Variants in CYP4F3 observed in about 807,000 individuals in gnomAD.
CYP4F3 encodes the protein cytochrome P450 4F3.
CYP4F3 carries 50 observed loss-of-function variants against 54.8 expected under a neutral mutation model. The observed-to-expected ratio is 0.91, with a 90% CI of 0.73 to 1.16. The LOEUF is 1.16. CYP4F3 is among the 50% of genes most tolerant of loss of function. CYP4F3 has a pLI of 0.00. For synonymous variants in CYP4F3, 244 were observed against 262.6 expected (o/e 0.93, Z 0.69); for missense variants, 715 against 676.2 (o/e 1.06, Z -0.64).
intron 3 of CYP4F3, 96 bp from the exon 4 acceptor site, chr19:15,646,956 G>C: frequency 6.5e-7 from 1 of 1,542,104 alleles, no homozygotes; most frequent in Non-Finnish European, 8.8e-7. Flanking sequence ...GGCTTGGAGG[G>C]AAGAAGTGCA....
chr19:15,641,907 AC>A (rs759405329), intron 2 of CYP4F3, among the ~76,000 whole-genome samples: 2 of 151,864 alleles, frequency 1.3e-5, no homozygotes, highest in Non-Finnish European at 2.9e-5. Context: ...AGAAAGGTGA[AC>A]CCCTGGCGTT....
In CYP4F3 at chr19:15,641,468, C is replaced by T. The variant is rs768218949; in HGVS notation, c.53C>T (p.Pro18Leu). 19 of 1,614,110 alleles carry T rather than the reference C, an allele frequency of 1.2e-5. No homozygotes were observed. Among genetic ancestry groups the T allele is most frequent in the Admixed American group, 3.3e-5 (2 of 60,014 alleles). The change falls in exon 2 of 13, where the codon CCG (proline) becomes CTG (leucine). Residue 18 changes from proline to leucine, a missense_variant. Pro to Leu is a moderately conservative substitution (Grantham distance 98). Coordinates refer to ENST00000221307, the MANE Select transcript of CYP4F3 (RefSeq NM_000896.3). Reference protein sequence around the residue: ...SLGLWPMAASPWLLLLLVGAS... With the variant: ...SLGLWPMAASLWLLLLLVGAS... ...GGCCTTTGGCCAATGGCAGCATCCC[C>T]GTGGCTGCTCCTGCTGCTGGTTGGG...
rs28371481 is a variant in CYP4F3, at chr19:15,650,264, C to T, written c.918+81C>T. On this transcript the variant is annotated intron_variant, in intron 7 of 12. Transcript: ENST00000221307. ...TCAGATGAAAGAATTTGAACTTGACCCAGAGGGCACTGGGGAGCCATGGAA... is the reference window on the plus strand; with the variant it reads ...TCAGATGAAAGAATTTGAACTTGACTCAGAGGGCACTGGGGAGCCATGGAA... 2.0e-3 allele frequency: 3,253 copies of T among 1,611,918 alleles called. 58 individuals carry two copies. In the African/African-American group the frequency reaches 0.038, roughly 19 times the overall value.
In CYP4F3 at chr19:15,650,174, G is replaced by C. The variant is rs138106582; in HGVS notation, c.909G>C (p.Leu303=). 2.2e-4 allele frequency: 360 copies of C among 1,614,168 alleles called. No homozygotes were observed. Among genetic ancestry groups the C allele is most frequent in the Non-Finnish European group, 2.7e-4 (321 of 1,180,026 alleles). The stretch of plus-strand genomic sequence containing the variant: ...CTTTGGACTTCATTGATGTACTCCT[G>C]CTGAGCAAGGTGGGCCTCTCTGGGA... ...SKTLDFIDVL[L]LSKDEDGKKL... Residue 303 remains leucine (L), a synonymous_variant, in exon 7 of 13, where the codon CTG becomes CTC. Coordinates refer to ENST00000221307, the MANE Select transcript of CYP4F3 (RefSeq NM_000896.3).
chr19:15,657,504 G>A (rs28371494), intron 9 of CYP4F3, among the ~76,000 whole-genome samples: 4 of 151,984 alleles, frequency 2.6e-5, no homozygotes, highest in Non-Finnish European at 5.9e-5. Context: ...GGCCAGGCTG[G>A]TCTCGAACTC....
At position 15,641,571 on chromosome 19, in the gene CYP4F3, G is replaced by T. The variant is rs371160373; in HGVS notation, c.156G>T (p.Pro52=). ...YDNCCRLRCF[P]QPPKRNWFLG... The stretch of plus-strand genomic sequence containing the variant: ...ACTGCTGCCGCCTCCGGTGTTTCCC[G>T]CAACCCCCGAAACGGAATTGGTTCT... Residue 52 remains proline (P), a synonymous_variant, in exon 2 of 13, where the codon CCG becomes CCT. Coordinates refer to ENST00000221307, the MANE Select transcript of CYP4F3 (RefSeq NM_000896.3). 1.2e-6 allele frequency: 2 copies of T among 1,614,080 alleles called. No individual in the cohort carries two copies. The highest frequency in any genetic ancestry group is 1.7e-6 in the Non-Finnish European group (2 of 1,180,012).
chr19:15,642,535 G>C lies in CYP4F3; in HGVS notation c.198+922G>C, dbSNP rs28371469. Among the ~76,000 whole-genome samples, 587 of 152,326 alleles carry C rather than the reference G, an allele frequency of 3.9e-3. 6 individuals are homozygous for C. The highest frequency in any genetic ancestry group is 0.013 in the African/African-American group (545 of 41,582). Reference sequence around the variant, plus strand: ...TAGGGACATGTCCTGAGTCCACACTGCTCCCCACAAACCTCCCCTGTGAGG... The same window carrying C: ...TAGGGACATGTCCTGAGTCCACACTCCTCCCCACAAACCTCCCCTGTGAGG... On this transcript the variant is annotated intron_variant, in intron 2 of 12. Coordinates refer to ENST00000221307, the MANE Select transcript of CYP4F3 (RefSeq NM_000896.3).
chr19:15,657,163 T>A (rs1330443988), intron 9 of CYP4F3, among the ~76,000 whole-genome samples: 2 of 152,260 alleles, frequency 1.3e-5, no homozygotes, highest in Non-Finnish European at 2.9e-5. Flanking sequence ...ATATTTGGCT[T>A]GTCTCCAAAC....
At chr19:15,643,793 T>C (rs1048612882) in intron 2 of CYP4F3, 135 of 1,304,362 alleles carry the variant, frequency 1.0e-4, no homozygotes, top group Non-Finnish European at 1.3e-4. Context: ...GCCAGTCTCT[T>C]CTGGAAACAC....
rs768805172 is a variant in CYP4F3 at position 15,652,805 on chromosome 19, T to G, written c.986-18T>G. The G allele has an allele frequency of 2.5e-6, 4 of 1,607,026 alleles. No individual in the cohort carries two copies. Among genetic ancestry groups the G allele is most frequent in the Non-Finnish European group, 3.4e-6 (4 of 1,176,442 alleles). ...CTGAAGCAGCCCAGAGACCCAAGCC[T>G]GCCTTGCTGCCCCCCAGGCCATGAC... On this transcript the variant is annotated intron_variant, in intron 8 of 12. Transcript: ENST00000221307.
rs545603790 is a variant in CYP4F3, at chr19:15,644,561, G to A, written c.199-1158G>A. Reference sequence around the variant, plus strand: ...TTCAAGGCCCCTTGCCAGGTCTAGCGTCACCTTGCCTGTCACAAAGGTTAG... The same window carrying A: ...TTCAAGGCCCCTTGCCAGGTCTAGCATCACCTTGCCTGTCACAAAGGTTAG... On this transcript the variant is annotated intron_variant, in intron 2 of 12. Coordinates refer to ENST00000221307, the MANE Select transcript of CYP4F3 (RefSeq NM_000896.3). Among the ~76,000 whole-genome samples, 12 of 151,590 alleles carry A rather than the reference G, an allele frequency of 7.9e-5. No homozygotes were observed. In the South Asian group the frequency reaches 8.3e-4, roughly 11 times the overall value.
intron 9 of CYP4F3, 86 bp from the exon 10 acceptor site, chr19:15,658,177 GA>G: frequency 6.4e-7 from 1 of 1,570,116 alleles, no homozygotes; most frequent in African/African-American, 1.4e-5. Context: ...GTTACAGGGA[GA>G]AAAGGTCTCA....
In CYP4F3 at chr19:15,641,570, C is replaced by T. The variant is rs776467286; in HGVS notation, c.155C>T (p.Pro52Leu). ...YDNCCRLRCF[P>L]QPPKRNWFLG... ...AACTGCTGCCGCCTCCGGTGTTTCCCGCAACCCCCGAAACGGAATTGGTTC... is the reference window on the plus strand; with the variant it reads ...AACTGCTGCCGCCTCCGGTGTTTCCTGCAACCCCCGAAACGGAATTGGTTC... Residue 52 changes from proline to leucine, a missense_variant, in exon 2 of 13, where the codon CCG (proline) becomes CTG (leucine). Pro to Leu is a moderately conservative substitution (Grantham distance 98, BLOSUM62 -3). Transcript: ENST00000221307. The T allele has an allele frequency of 3.9e-5, 63 of 1,614,098 alleles. 1 individual carries two copies. Among genetic ancestry groups the T allele is most frequent in the Admixed American group, 2.2e-4 (13 of 60,028 alleles).
chr19:15,650,799 C>T (rs1260477307), intron 7 of CYP4F3, among the ~76,000 whole-genome samples: 392 of 17,078 alleles, frequency 0.023, 79 homozygotes, highest in East Asian at 0.077. Flanking sequence ...TTCTTTCTTT[C>T]TCTCTCTTCT....
At chr19:15,649,507 G>T (rs1972724855) in intron 6 of CYP4F3, among the ~76,000 whole-genome samples, 1 of 152,186 alleles carries the variant, frequency 6.6e-6, no homozygotes, top group Non-Finnish European at 1.5e-5. Context: ...GGGACTGACT[G>T]TAATGTAGCA....
At chr19:15,649,772 C>A in intron 6 of CYP4F3, 141 bp from the exon 7 acceptor site, 55 of 1,208,228 alleles carry the variant, frequency 4.6e-5, no homozygotes, top group East Asian at 9.5e-5. Flanking sequence ...TCATGCTGAT[C>A]CCCATCCTGC....
intron 9 of CYP4F3, among the ~76,000 whole-genome samples, chr19:15,653,540 C>A (rs1319265655): frequency 6.6e-6 from 1 of 152,160 alleles, no homozygotes; most frequent in African/African-American, 2.4e-5. Context: ...GGTGGGGGAA[C>A]TGTCCCTGGG....
Position 15,658,557 on chromosome 19 carries a change from T to C in CYP4F3, c.1314+2T>C, listed in dbSNP as rs778752926. On this transcript the variant is annotated splice_donor_variant, in intron 11 of 12. Transcript: ENST00000221307. LOFTEE classifies it high-confidence loss of function. The stretch of plus-strand genomic sequence containing the variant: ...CCAGCCGTGTGGCCGGACCCTGAGG[T>C]GCGGGCCCCCCGTCTCTGTTTTTGT... 5 of 1,613,906 alleles carry C rather than the reference T, an allele frequency of 3.1e-6. No individual in the cohort carries two copies. The Admixed American group carries it at 8.3e-5, about 27-fold the overall frequency.
At chr19:15,650,582 G>C (rs904322886) in intron 7 of CYP4F3, among the ~76,000 whole-genome samples, 1 of 151,946 alleles carries the variant, frequency 6.6e-6, no homozygotes, top group Non-Finnish European at 1.5e-5. Flanking sequence ...GGCCATATCT[G>C]TATGTCTTTG....
Sources: gnomAD v4.1 joint callset for allele counts (sites outside exome capture counted in the v4.1 genomes callset) on GRCh38, gnomAD v4.1.1 for gene constraint, MANE v1.5 for transcripts, NCBI Gene and HGNC (gene_info 2026-07-23, HGNC 2026-07-21) for gene names.